Variants in CFAP100 observed in about 807,000 individuals in gnomAD.
CFAP100 encodes cilia- and flagella-associated protein 100.
Under a neutral mutation model 81.5 loss-of-function variants are expected in CFAP100, and 70 were observed. The observed-to-expected ratio is 0.86, with a 90% confidence interval of 0.71 to 1.05. CFAP100 has a LOEUF of 1.05. CFAP100 is among the 50% of genes least tolerant of loss of function. The pLI, the probability that CFAP100 is intolerant of heterozygous loss-of-function variation, is 0.00. For synonymous variants in CFAP100, 341 were observed against 314.8 expected, an observed-to-expected ratio of 1.08 and a Z score of -0.88; for missense variants, 811 against 776.5, an observed-to-expected ratio of 1.04 and a Z score of -0.53.
At chr3:126,411,360 G>GTTTTT (rs2083150461) in intron 3 of CFAP100, among the ~76,000 whole-genome samples, 2 of 33,750 alleles carry the variant, frequency 5.9e-5, no homozygotes, top group African/African-American at 8.5e-5. Flanking sequence ...TGTTGTTGTT[G>GTTTTT]GTTTTTTTTT....
Position 126,419,712 on chromosome 3 carries a change from G to A in CFAP100, c.807G>A (p.Lys269=), listed in dbSNP as rs1185413814. The A allele has an allele frequency of 1.2e-6, 2 of 1,613,962 alleles. No homozygotes were observed. The highest frequency in any genetic ancestry group is 1.3e-5 in the African/African-American group (1 of 74,938). Residue 269 remains lysine (K), a synonymous_variant, in exon 9 of 17, where the codon AAG becomes AAA. Coordinates refer to ENST00000352312, the MANE Select transcript of CFAP100 (RefSeq NM_182628.3). ...ATTTCCTATACAAGCTGTCGCCCAAGGAGTGGCTTGAAGAACAGGAAAAGA... is the reference window on the plus strand; with the variant it reads ...ATTTCCTATACAAGCTGTCGCCCAAAGAGTGGCTTGAAGAACAGGAAAAGA... The part of the protein sequence containing the change: ...YKDFLYKLSP[K]EWLEEQEKKH...
chr3:126,418,865 C>T, intron 7 of CFAP100, 91 bp downstream of exon 7: 8 of 1,429,388 alleles, frequency 5.6e-6, no homozygotes, highest in South Asian at 1.3e-5. Flanking sequence ...GCCTCTGCCC[C>T]CAGCCCCTGC....
chr3:126,435,917 C>T (rs911459309), intron 16 of CFAP100, among the ~76,000 whole-genome samples: 1 of 152,150 alleles, frequency 6.6e-6, no homozygotes, highest in African/African-American at 2.4e-5. Context: ...ACACTCTGCT[C>T]AGGAGCAGGG....
chr3:126,413,109 G>C (rs986103936), intron 3 of CFAP100, among the ~76,000 whole-genome samples: 3 of 152,236 alleles, frequency 2.0e-5, no homozygotes, highest in Non-Finnish European at 4.4e-5. Context: ...CTCTGCCCTG[G>C]TTGAGTTGCT....
At position 126,411,361 on chromosome 3, in the gene CFAP100, G is replaced by GTTTTTTTTTTTTTTTTTTTTTTTT. The variant is rs58954079; in HGVS notation, c.131-2721_131-2698dup. ...TCTGTAGTTTTTTTTGTTGTTGTTG[G>GTTTTTTTTTTTTTTTTTTTTTTTT]TTTTTTTTTTTTTTTTTTTTTTTTT... On this transcript the variant is annotated intron_variant, in intron 3 of 16. Coordinates refer to ENST00000352312, the MANE Select transcript of CFAP100 (RefSeq NM_182628.3). 5.7e-4 allele frequency among the ~76,000 whole-genome samples: 20 copies of GTTTTTTTTTTTTTTTTTTTTTTTT among 35,384 alleles called. 4 individuals carry two copies. Among genetic ancestry groups the GTTTTTTTTTTTTTTTTTTTTTTTT allele is most frequent in the Non-Finnish European group, 7.9e-4 (17 of 21,538 alleles). 23.2% of individuals were successfully genotyped at this position (35,384 alleles called of 152,430 possible).
At chr3:126,396,569 A>G (rs112050007) in intron 2 of CFAP100, 2,043 of 156,432 alleles carry the variant, frequency 0.013, 25 homozygotes, top group Middle Eastern at 0.037. Context: ...CAAAGACCTT[A>G]TTTCCAAACA....
At chr3:126,420,279 TC>T (rs781077095) in intron 11 of CFAP100, 50 bp downstream of exon 11, 1 of 1,603,368 alleles carries the variant, frequency 6.2e-7, no homozygotes, top group Non-Finnish European at 8.5e-7. Flanking sequence ...CGGCGAGCCC[TC>T]CCTTGTGGCA....
At chr3:126,408,108 T>C (rs532784740) in intron 3 of CFAP100, among the ~76,000 whole-genome samples, 7 of 152,196 alleles carry the variant, frequency 4.6e-5, no homozygotes, top group Non-Finnish European at 1.0e-4. Flanking sequence ...GATGTAGAGA[T>C]TGGAGCCAAC....
At chr3:126,423,243 C>T in intron 11 of CFAP100, 82 bp from the exon 12 acceptor site, 1 of 1,204,256 alleles carries the variant, frequency 8.3e-7, no homozygotes, top group Non-Finnish European at 1.2e-6. Context: ...CTGCCAACGC[C>T]TTCAAGACCT....
At chr3:126,408,728 G>A (rs1407951775) in intron 3 of CFAP100, among the ~76,000 whole-genome samples, 1 of 152,136 alleles carries the variant, frequency 6.6e-6, no homozygotes, top group Admixed American at 6.5e-5. Context: ...TCCTGGGGGC[G>A]AGCACCTGAC....
Position 126,436,399 on chromosome 3 carries a change from A to T in CFAP100, c.1831A>T (p.Thr611Ser). The T allele has an allele frequency of 1.2e-6, 2 of 1,612,196 alleles. No individual in the cohort carries two copies. Among genetic ancestry groups the T allele is most frequent in the Non-Finnish European group, 1.7e-6 (2 of 1,178,466 alleles). The change falls in exon 17 of 17, where the codon ACT (threonine) becomes TCT (serine). Residue 611 changes from threonine (T) to serine (S), a missense_variant. Coordinates refer to ENST00000352312, the MANE Select transcript of CFAP100 (RefSeq NM_182628.3). Reference protein sequence around the residue: ...KEEEELLFFFT With the variant: ...KEEEELLFFFS ...GGAGGAGGAGCTGCTATTTTTCTTT[A>T]CTTAATCTTCGCAGACCATAGCTGT...
chr3:126,432,432 G>GA (rs1933272295), intron 13 of CFAP100, among the ~76,000 whole-genome samples: 1 of 152,076 alleles, frequency 6.6e-6, no homozygotes, highest in Non-Finnish European at 1.5e-5. Context: ...CCAAAAGGTG[G>GA]AAACAACCCA....
rs1933451913 is a variant in CFAP100, at chr3:126,436,485, G to A, written c.*81G>A. 9.8e-7 allele frequency: 1 copy of A among 1,017,126 alleles called. No individual in the cohort carries two copies. The allele number at this position is 1,017,126 out of a possible 1,614,324, so 63.0% of individuals were successfully genotyped here. A position where few individuals can be genotyped will look rare whatever the true frequency, so the allele number is the denominator to read the frequency against. The stretch of plus-strand genomic sequence containing the variant: ...AAGCAGAGACTGGGCTGGGTCTCGA[G>A]TGGCCCAACTGAGTCCTCTCTGTCT... On this transcript the variant is annotated 3_prime_UTR_variant, in exon 17 of 17. Coordinates refer to ENST00000352312, the MANE Select transcript of CFAP100 (RefSeq NM_182628.3).
rs781089636 is a variant in CFAP100, at chr3:126,407,257, C to T, written c.130+5C>T. 6.2e-7 allele frequency: 1 copy of T among 1,610,626 alleles called. No individual in the cohort carries two copies. Among genetic ancestry groups the T allele is most frequent in the Non-Finnish European group, 8.5e-7 (1 of 1,177,466 alleles). On this transcript the variant is annotated splice_donor_5th_base_variant and intron_variant, in intron 3 of 16. Coordinates refer to ENST00000352312, the MANE Select transcript of CFAP100 (RefSeq NM_182628.3). ...AACAGGCAAGAAAAAACGAAGGTAA[C>T]CTTCAAGCTGGGAGGCTAAAGTCCA...
intron 13 of CFAP100, 36 bp from the exon 14 acceptor site, chr3:126,433,033 A>C (rs763257464): frequency 6.2e-7 from 1 of 1,612,232 alleles, no homozygotes; most frequent in African/African-American, 1.3e-5. Flanking sequence ...GGCTGTGCTG[A>C]GTGACTGATG....
intron 13 of CFAP100, among the ~76,000 whole-genome samples, chr3:126,432,114 A>G (rs1933254497): frequency 6.6e-6 from 1 of 151,966 alleles, no homozygotes; most frequent in Non-Finnish European, 1.5e-5. Flanking sequence ...CCCCGTCTCT[A>G]CTGAAAATAC....
intron 13 of CFAP100, among the ~76,000 whole-genome samples, chr3:126,426,022 CACT>C (rs1392529093): frequency 1.3e-5 from 2 of 152,216 alleles, no homozygotes; most frequent in African/African-American, 2.4e-5. Context: ...GGTCTTCTCT[CACT>C]ACTACTTTTC....
chr3:126,427,852 C>A (rs1206460922), intron 13 of CFAP100, among the ~76,000 whole-genome samples: 2 of 152,178 alleles, frequency 1.3e-5, no homozygotes, highest in East Asian at 1.9e-4. Context: ...TCTGGAGAGG[C>A]CTCAGGGAAC....
chr3:126,416,328 C>G lies in CFAP100; in HGVS notation c.238C>G (p.Gln80Glu). 3 of 1,592,972 alleles carry G rather than the reference C, an allele frequency of 1.9e-6. No homozygotes were observed. The highest frequency in any genetic ancestry group is 2.6e-6 in the Non-Finnish European group (3 of 1,166,294). Residue 80 changes from glutamine (Q) to glutamate (E), a missense_variant, in exon 5 of 17, where the codon CAG becomes GAG. Transcript: ENST00000352312. ...RNKALSERQQ[Q>E]KTMRVHQKMT... ...CCGACGCCCCCAGGAACGGCAGCAG[C>G]AGAAGACGATGCGGGTGCACCAGAA...
Sources: gnomAD v4.1 joint callset for allele counts (sites outside exome capture counted in the v4.1 genomes callset) on GRCh38, gnomAD v4.1.1 for gene constraint, MANE v1.5 for transcripts, NCBI Gene and HGNC (gene_info 2026-07-23, HGNC 2026-07-21) for gene names.